The following MYO15A variants were observed in gnomAD, a reference collection of about 807,000 sequenced individuals.
MYO15A encodes unconventional myosin-XV.
A neutral mutation model predicts 394.6 loss-of-function variants in MYO15A; 308 were observed. The ratio of observed to expected loss-of-function variants is 0.78; its 90% CI spans 0.71 to 0.86. MYO15A has a LOEUF of 0.86. Ranked by LOEUF, MYO15A falls within the 40% of genes least tolerant of loss-of-function variation. The probability of loss-of-function intolerance (pLI) is 0.00; values close to 1 mark genes in which losing one functional copy is unlikely to be tolerated. For synonymous variants in MYO15A, 1,957 were observed against 2,003.8 expected, an observed-to-expected ratio of 0.98 and a Z score of 0.62; for missense variants, 4,606 against 4,799.1, an observed-to-expected ratio of 0.96 and a Z score of 1.19.
At chr17:18,110,057 G>T (rs2045702853) in intron 1 of MYO15A, 1 of 152,282 alleles carries the variant, frequency 6.6e-6, no homozygotes, top group African/African-American at 2.4e-5. Context: ...CTGTCCTGTA[G>T]CCATCCCAAG....
intron 12 of MYO15A, 102 bp from the exon 13 acceptor site, chr17:18,135,609 G>A: frequency 8.8e-7 from 1 of 1,134,658 alleles, no homozygotes; most frequent in Non-Finnish European, 1.3e-6. Context: ...CCAAAGTGCT[G>A]GGACTACTGG....
chr17:18,133,091 G>C (rs753987279), intron 11 of MYO15A, 134 bp from the exon 12 acceptor site: 2 of 875,978 alleles, frequency 2.3e-6, no homozygotes. Context: ...CAGAGCCTCC[G>C]TGCCCATGAG....
intron 12 of MYO15A, among the ~76,000 whole-genome samples, chr17:18,133,631 T>C (rs1242847127): frequency 6.6e-6 from 1 of 152,226 alleles, no homozygotes; most frequent in Non-Finnish European, 1.5e-5. Context: ...TAACTTTGTT[T>C]ACAATGTTTT....
Position 18,142,800 on chromosome 17 carries a change from C to T in MYO15A, c.5870C>T (p.Ser1957Phe). Residue 1957 changes from serine (S) to phenylalanine (F), a missense_variant, in exon 25 of 66, where the codon TCC becomes TTC. Transcript: ENST00000647165. ...AGGAGGAGTCTGGTGAAGTTCCGGTCCCTGGTACACGCATACGTGAGCCGC... is the reference window on the plus strand; with the variant it reads ...AGGAGGAGTCTGGTGAAGTTCCGGTTCCTGGTACACGCATACGTGAGCCGC... Reference protein sequence around the residue: ...QMRRSLVKFRSLVHAYVSRRR... With the variant: ...QMRRSLVKFRFLVHAYVSRRR... 6.2e-7 allele frequency: 1 copy of T among 1,613,650 alleles called. No individual in the cohort carries two copies. The highest frequency in any genetic ancestry group is 8.5e-7 in the Non-Finnish European group (1 of 1,179,924).
chr17:18,131,179 A>T, intron 8 of MYO15A, 60 bp from the exon 9 acceptor site: 1 of 1,432,102 alleles, frequency 7.0e-7, no homozygotes, highest in Non-Finnish European at 9.8e-7. Context: ...TATGCCCCCC[A>T]CCCAGGCCCC....
At chr17:18,138,394 G>T in intron 17 of MYO15A, 148 bp downstream of exon 17, 1 of 1,054,278 alleles carries the variant, frequency 9.5e-7, no homozygotes, top group South Asian at 1.4e-5. Flanking sequence ...TTCACAACCT[G>T]GGGTGATTGA....
chr17:18,119,965 G>T lies in MYO15A; in HGVS notation c.1165G>T (p.Asp389Tyr). Residue 389 changes from aspartate to tyrosine, a missense_variant, in exon 2 of 66, where the codon GAC becomes TAC. Transcript: ENST00000647165. ...PYAEGVYGGGDEAIYPPEVPY... is the reference protein window; with the variant it reads ...PYAEGVYGGGYEAIYPPEVPY... The stretch of plus-strand genomic sequence containing the variant: ...TGCCGAAGGCGTCTATGGCGGTGGG[G>T]ACGAGGCCATCTACCCCCCCGAGGT... 1.2e-6 allele frequency: 2 copies of T among 1,613,666 alleles called. No individual in the cohort carries two copies. The highest frequency in any genetic ancestry group is 1.7e-6 in the Non-Finnish European group (2 of 1,180,020).
rs2046160547 is a variant in MYO15A, at chr17:18,131,358, G to T, written c.4142+16G>T. The T allele has an allele frequency of 6.2e-7, 1 of 1,613,642 alleles. No homozygotes were observed. Among genetic ancestry groups the T allele is most frequent in the Admixed American group, 1.7e-5 (1 of 60,010 alleles). On this transcript the variant is annotated intron_variant, in intron 9 of 65. Transcript: ENST00000647165. ...TTCTGGAAGGGTGAGTTGGGACAGTGGAGGGCCTCCCAAAAGCCTTGCAGT... is the reference window on the plus strand; with the variant it reads ...TTCTGGAAGGGTGAGTTGGGACAGTTGAGGGCCTCCCAAAAGCCTTGCAGT...
Position 18,117,390 on chromosome 17 carries a change from C to T in MYO15A, c.-219-1192C>T, listed in dbSNP as rs2045805215. On this transcript the variant is annotated intron_variant, in intron 1 of 65. Transcript: ENST00000647165. This position sits in a 1 kb window ranked among gnomAD's most constrained non-coding sequence, Gnocchi z 4.1. ...TGTTTCACAGCTGAGCACGTTGAGG[C>T]TCTGAAGCCACTGATCTGAGGGCGT... Among the ~76,000 whole-genome samples the T allele has an allele frequency of 2.0e-5, 3 of 152,270 alleles. No individual in the cohort carries two copies. The highest frequency in any genetic ancestry group is 4.4e-5 in the Non-Finnish European group (3 of 68,044).
Position 18,119,465 on chromosome 17 carries a change from C to G in MYO15A, c.665C>G (p.Ser222Trp), listed in dbSNP as rs1567619425. 2.5e-6 allele frequency: 4 copies of G among 1,612,736 alleles called. No homozygotes were observed. Among genetic ancestry groups the G allele is most frequent in the Middle Eastern group, 1.6e-4 (1 of 6,062 alleles). Residue 222 changes from serine to tryptophan, a missense_variant, in exon 2 of 66, where the codon TCG becomes TGG. Coordinates refer to ENST00000647165, the MANE Select transcript of MYO15A (RefSeq NM_016239.4). ...TTCCATCACTCGGGCTCCCGCAAGT[C>G]GCTGTACGGGCTTGAGGGCTTCCAG... ...APFHHSGSRK[S>W]LYGLEGFQDL...
At position 18,137,583 on chromosome 17, in the gene MYO15A, G is replaced by A. The variant is rs2046302077; in HGVS notation, c.4780-1G>A. The A allele has an allele frequency of 1.2e-6, 2 of 1,613,390 alleles. No homozygotes were observed. The highest frequency in any genetic ancestry group is 2.7e-5 in the African/African-American group (2 of 74,926). Reference sequence around the variant, plus strand: ...TCCCAGCACCCCCATCCACCTGGCAGGACCTGAGCTTCAACAGCTTTGAGC... The same window carrying A: ...TCCCAGCACCCCCATCCACCTGGCAAGACCTGAGCTTCAACAGCTTTGAGC... On this transcript the variant is annotated splice_acceptor_variant, in intron 15 of 65. Coordinates refer to ENST00000647165, the MANE Select transcript of MYO15A (RefSeq NM_016239.4). LOFTEE classifies it high-confidence loss of function.
chr17:18,174,871 C>G (rs1466658511), intron 65 of MYO15A, among the ~76,000 whole-genome samples: 1 of 152,182 alleles, frequency 6.6e-6, no homozygotes, highest in Non-Finnish European at 1.5e-5. Flanking sequence ...GAGAGAGAGA[C>G]TTCCACTGTC....
intron 65 of MYO15A, chr17:18,176,541 C>CTTTTTTTTTTTTTTTTTTTTTT (rs35105114): frequency 9.6e-5 from 9 of 93,444 alleles, no homozygotes; most frequent in Admixed American, 2.4e-4. Flanking sequence ...TTTTACTTTT[C>CTTTTTTTTTTTTTTTTTTTTTT]TTTTTTTTTT....
At chr17:18,149,771 A>G (rs1388041559) in intron 35 of MYO15A, 191 bp downstream of exon 35, 1 of 661,760 alleles carries the variant, frequency 1.5e-6, no homozygotes, top group Admixed American at 2.2e-5. Flanking sequence ...CTCTTGGCTG[A>G]TCCTGGAAGG....
chr17:18,140,470 C>T, intron 19 of MYO15A, 47 bp from the exon 20 acceptor site: 1 of 1,612,582 alleles, frequency 6.2e-7, no homozygotes, highest in Non-Finnish European at 8.5e-7. Context: ...TCATTTCGGT[C>T]TCCCGGACCC....
At chr17:18,113,255 G>T (rs913238349) in intron 1 of MYO15A, among the ~76,000 whole-genome samples, 1 of 152,062 alleles carries the variant, frequency 6.6e-6, no homozygotes, top group Non-Finnish European at 1.5e-5. Flanking sequence ...TGGCTCAAGC[G>T]ATCCTCCCAC....
At position 18,124,890 on chromosome 17, in the gene MYO15A, G is replaced by T. The variant is rs749732802; in HGVS notation, c.3693-278G>T. The T allele has an allele frequency of 1.4e-4, 82 of 588,610 alleles. 1 individual carries two copies. Among genetic ancestry groups the T allele is most frequent in the Non-Finnish European group, 1.8e-4 (61 of 330,162 alleles). 36.5% of individuals were successfully genotyped at this position (588,610 alleles called of 1,614,324 possible). On this transcript the variant is annotated intron_variant, in intron 3 of 65. Coordinates refer to ENST00000647165, the MANE Select transcript of MYO15A (RefSeq NM_016239.4). ...TGGAGGTACTCAAAACATGAGGGCC[G>T]TGTTGGTCAGCATCATTATCTAATC...
intron 62 of MYO15A, chr17:18,169,614 G>T (rs2046910514): frequency 6.6e-6 from 1 of 152,110 alleles, no homozygotes; most frequent in Non-Finnish European, 1.5e-5. Context: ...TCCAGCCTGG[G>T]CAATAGAGTA....
chr17:18,123,045 T>C (rs2045967001), intron 2 of MYO15A: 1 of 152,514 alleles, frequency 6.6e-6, no homozygotes, highest in Non-Finnish European at 1.5e-5. Context: ...GCCCTTCGGA[T>C]GGGTGCCCAG....
Sources: gnomAD v4.1 joint callset for allele counts (sites outside exome capture counted in the v4.1 genomes callset) on GRCh38, gnomAD v4.1.1 for gene constraint, Gnocchi (gnomAD v3.1) non-coding constraint, MANE v1.5 for transcripts, NCBI Gene and HGNC (gene_info 2026-07-23, HGNC 2026-07-21) for gene names.